The following SNTB1 variants were observed in gnomAD, a reference collection of about 807,000 sequenced individuals.
SNTB1 encodes the protein beta-1-syntrophin.
A neutral mutation model predicts 48.9 loss-of-function variants in SNTB1; 36 were observed. The observed-to-expected ratio is 0.74, with a 90% confidence interval of 0.56 to 0.97. SNTB1 has a LOEUF of 0.97. Among genes scored for constraint, SNTB1 ranks in the 50% least tolerant of loss-of-function variants. The pLI is 0.00. For synonymous variants in SNTB1, 299 were observed against 294.6 expected (o/e 1.01, Z -0.15); for missense variants, 786 against 703.4 (o/e 1.12, Z -1.33).
At chr8:120,563,345 G>A (rs185347514) in intron 4 of SNTB1, among the ~76,000 whole-genome samples, 34 of 149,934 alleles carry the variant, frequency 2.3e-4, no homozygotes, top group Non-Finnish European at 4.6e-4. Flanking sequence ...AGCAAAAAAT[G>A]TTCTCCCAAG....
intron 2 of SNTB1, among the ~76,000 whole-genome samples, chr8:120,649,762 C>A (rs917173842): frequency 7.2e-5 from 11 of 152,230 alleles, no homozygotes; most frequent in Non-Finnish European, 1.2e-4. Flanking sequence ...GCCCCTCCCC[C>A]AGCCTAGCTG....
intron 2 of SNTB1, among the ~76,000 whole-genome samples, chr8:120,640,632 A>G (rs1290393742): frequency 6.6e-6 from 1 of 152,216 alleles, no homozygotes; most frequent in Non-Finnish European, 1.5e-5. Context: ...ATCTATTGAG[A>G]TAACCATGTG....
chr8:120,715,471 G>A (rs541833386), intron 1 of SNTB1, among the ~76,000 whole-genome samples: 10 of 152,258 alleles, frequency 6.6e-5, no homozygotes, highest in Admixed American at 1.3e-4. Flanking sequence ...CACATGAGTT[G>A]TTTATCTGGG....
chr8:120,684,034 T>A (rs1162963626), intron 2 of SNTB1, among the ~76,000 whole-genome samples: 1 of 152,210 alleles, frequency 6.6e-6, no homozygotes, highest in East Asian at 1.9e-4. Flanking sequence ...CATACATTTA[T>A]TGATCACAGT....
At chr8:120,542,072 C>T (rs1256119096) in intron 5 of SNTB1, 72 bp from the exon 6 acceptor site, 6 of 1,203,304 alleles carry the variant, frequency 5.0e-6, no homozygotes, top group Non-Finnish European at 7.0e-6. Context: ...CAATCACTCA[C>T]TTCTTGCCTC....
At chr8:120,764,919 T>C (rs1443192010) in intron 1 of SNTB1, among the ~76,000 whole-genome samples, 1 of 152,114 alleles carries the variant, frequency 6.6e-6, no homozygotes, top group African/African-American at 2.4e-5. Context: ...GGCTATTTTA[T>C]ATTCCAGTTT....
intron 1 of SNTB1, 102 bp downstream of exon 1, chr8:120,811,171 G>T: frequency 6.9e-7 from 1 of 1,439,332 alleles, no homozygotes; most frequent in Non-Finnish European, 9.2e-7. Flanking sequence ...CCCCTGGGGT[G>T]TGTCCGCATG....
intron 3 of SNTB1, among the ~76,000 whole-genome samples, chr8:120,589,835 G>T (rs2130706006): frequency 6.6e-6 from 1 of 152,186 alleles, no homozygotes; most frequent in East Asian, 1.9e-4. Flanking sequence ...ACCACATTGG[G>T]ATTAGCATTT....
At position 120,538,328 on chromosome 8, in the gene SNTB1, C is replaced by A; in HGVS notation, c.*549G>T. ...TAATTCATTTTTTAAAAAGTAACAG[C>A]TGCTTCATACTTAAATAAAAGGTGG... On this transcript the variant is annotated 3_prime_UTR_variant, in exon 7 of 7. Transcript: ENST00000517992. The A allele has an allele frequency of 4.4e-6, 1 of 227,528 alleles. No homozygotes were observed. Among genetic ancestry groups the A allele is most frequent in the South Asian group, 7.1e-5 (1 of 14,112 alleles). 14.1% of individuals were successfully genotyped at this position (227,528 alleles called of 1,614,324 possible). A position where few individuals can be genotyped will look rare whatever the true frequency, so the allele number is the denominator to read the frequency against.
chr8:120,694,225 CAG>C (rs1818173782), intron 1 of SNTB1, among the ~76,000 whole-genome samples: 1 of 152,038 alleles, frequency 6.6e-6, no homozygotes, highest in Non-Finnish European at 1.5e-5. Context: ...AAAACATGGG[CAG>C]AGAGTGAGAA....
intron 2 of SNTB1, 101 bp from the exon 3 acceptor site, chr8:120,632,752 A>G: frequency 2.1e-6 from 2 of 954,098 alleles, no homozygotes. Context: ...TCCTTCTTTT[A>G]GACTTTGTCA....
At chr8:120,541,520 G>C (rs1815288958) in intron 6 of SNTB1, among the ~76,000 whole-genome samples, 1 of 152,130 alleles carries the variant, frequency 6.6e-6, no homozygotes, top group Non-Finnish European at 1.5e-5. Flanking sequence ...AAACTGCAGG[G>C]TACGTTTTTT....
At chr8:120,640,384 T>A (rs1027783952) in intron 2 of SNTB1, among the ~76,000 whole-genome samples, 4 of 152,204 alleles carry the variant, frequency 2.6e-5, no homozygotes, top group Non-Finnish European at 4.4e-5. Flanking sequence ...TTCTCCTCCC[T>A]GATTGCCCTG....
intron 2 of SNTB1, among the ~76,000 whole-genome samples, chr8:120,677,171 C>T (rs376561102): frequency 1.3e-5 from 2 of 152,114 alleles, no homozygotes; most frequent in South Asian, 2.1e-4. Flanking sequence ...CTGGTATCCA[C>T]AGAAATATTT....
chr8:120,806,925 T>C (rs1820344783), intron 1 of SNTB1, among the ~76,000 whole-genome samples: 1 of 152,178 alleles, frequency 6.6e-6, no homozygotes, highest in South Asian at 2.1e-4. Flanking sequence ...TCCTCGATCA[T>C]TCCCACTTCC....
Position 120,659,155 on chromosome 8 carries a change from G to T in SNTB1, c.789-26504C>A, listed in dbSNP as rs541550100. Among the ~76,000 whole-genome samples the T allele has an allele frequency of 8.6e-5, 13 of 151,980 alleles. No homozygotes were observed. In the South Asian group the frequency reaches 1.2e-3, roughly 15 times the overall value. On this transcript the variant is annotated intron_variant, in intron 2 of 6. Transcript: ENST00000517992. ...ATTTTTGTATTTTTAGTAGAGACAG[G>T]GTTTCACCATGTTGGGCAGGCTGGT...
At chr8:120,691,936 A>T in intron 2 of SNTB1, among the ~76,000 whole-genome samples, 1 of 152,180 alleles carries the variant, frequency 6.6e-6, no homozygotes. Flanking sequence ...AAGCCCAGGG[A>T]AAAGGAGACT....
chr8:120,680,242 AACTT>A (rs1400991358), intron 2 of SNTB1, among the ~76,000 whole-genome samples: 1 of 152,180 alleles, frequency 6.6e-6, no homozygotes, highest in Non-Finnish European at 1.5e-5. Context: ...CTTAATTACC[AACTT>A]ACTTGTAGAT....
At chr8:120,704,590 T>G (rs1157018112) in intron 1 of SNTB1, among the ~76,000 whole-genome samples, 1 of 152,178 alleles carries the variant, frequency 6.6e-6, no homozygotes, top group Admixed American at 6.5e-5. Flanking sequence ...AGGCTGGAAC[T>G]ACCGAGATCT....
Sources: allele counts gnomAD v4.1 joint callset (sites outside exome capture counted in the v4.1 genomes callset), GRCh38; gene constraint gnomAD v4.1.1; transcripts MANE v1.5; gene names NCBI Gene and HGNC (gene_info 2026-07-23, HGNC 2026-07-21).